The following KCNH8 variants were observed in gnomAD, a reference collection of about 807,000 sequenced individuals.
KCNH8 encodes the protein voltage-gated delayed rectifier potassium channel KCNH8.
KCNH8 carries 70 observed loss-of-function variants against 103.6 expected under a neutral mutation model. The observed-to-expected ratio is 0.68, with a 90% CI of 0.56 to 0.82. KCNH8 has a LOEUF of 0.82. Ranked by LOEUF, KCNH8 falls within the 40% of genes least tolerant of loss-of-function variation. The pLI, the probability that KCNH8 is intolerant of heterozygous loss-of-function variation, is 0.00. For missense variants in KCNH8, 1,217 were observed against 1,329.9 expected, an observed-to-expected ratio of 0.92 and a Z score of 1.32; for synonymous variants, 498 against 489.4, an observed-to-expected ratio of 1.02 and a Z score of -0.23.
At chr3:19,480,396 T>C (rs2068063922) in intron 11 of KCNH8, among the ~76,000 whole-genome samples, 1 of 152,202 alleles carries the variant, frequency 6.6e-6, no homozygotes. Context: ...TAGTATCTTC[T>C]GTCAGGATTC....
intron 1 of KCNH8, among the ~76,000 whole-genome samples, chr3:19,235,297 A>G (rs144775640): frequency 1.1e-3 from 170 of 152,316 alleles, no homozygotes; most frequent in Non-Finnish European, 1.3e-3. Flanking sequence ...ATATAGAATG[A>G]TACAATTTAT....
At chr3:19,379,732 T>G (rs570619984) in intron 5 of KCNH8, among the ~76,000 whole-genome samples, 1 of 152,234 alleles carries the variant, frequency 6.6e-6, no homozygotes, top group African/African-American at 2.4e-5. Flanking sequence ...CAGCCAAATA[T>G]CACATTTGCA....
At chr3:19,298,141 AAAG>A (rs1212630965) in intron 3 of KCNH8, among the ~76,000 whole-genome samples, 1 of 152,238 alleles carries the variant, frequency 6.6e-6, no homozygotes, top group African/African-American at 2.4e-5. Context: ...GGACGGCAAA[AAAG>A]AGTTACTAAA....
At chr3:19,505,161 G>C (rs2068668109) in intron 11 of KCNH8, among the ~76,000 whole-genome samples, 1 of 151,790 alleles carries the variant, frequency 6.6e-6, no homozygotes, top group African/African-American at 2.4e-5. Context: ...AAATGAACAT[G>C]GATGGAGCTG....
chr3:19,527,567 G>A (rs940963020), intron 15 of KCNH8, among the ~76,000 whole-genome samples: 21 of 152,042 alleles, frequency 1.4e-4, no homozygotes, highest in African/African-American at 5.1e-4. Context: ...GATTAAACAT[G>A]AGAGGAGTAA....
chr3:19,363,682 T>G (rs1333892539), intron 5 of KCNH8, among the ~76,000 whole-genome samples: 1 of 152,148 alleles, frequency 6.6e-6, no homozygotes, highest in African/African-American at 2.4e-5. Context: ...TATCAATGCT[T>G]GTTACACTAG....
At chr3:19,239,686 C>G (rs1022344041) in intron 1 of KCNH8, among the ~76,000 whole-genome samples, 1 of 150,734 alleles carries the variant, frequency 6.6e-6, no homozygotes, top group African/African-American at 2.5e-5. Flanking sequence ...ATCTATCTAC[C>G]TACCTACCTA....
intron 11 of KCNH8, among the ~76,000 whole-genome samples, chr3:19,494,538 T>C (rs1401515814): frequency 2.6e-5 from 4 of 152,300 alleles, no homozygotes; most frequent in Non-Finnish European, 5.9e-5. Flanking sequence ...CTTTTGTAAA[T>C]TGCCTAGTCT....
chr3:19,260,353 T>TAAAAGC lies in KCNH8; in HGVS notation c.310+6470_310+6471insGCAAAA, dbSNP rs560100371. Among the ~76,000 whole-genome samples, 117 of 150,966 alleles carry TAAAAGC rather than the reference T, an allele frequency of 7.8e-4. 2 individuals carry two copies. Among genetic ancestry groups the TAAAAGC allele is most frequent in the African/African-American group, 2.7e-3 (112 of 41,328 alleles). On this transcript the variant is annotated intron_variant, in intron 2 of 15. Transcript: ENST00000328405. ...TCAGTCTTATGATTTCAGATCCTGA[T>TAAAAGC]AAAAAGGAAGCAAATTTCTTCATGA...
chr3:19,153,207 A>G (rs2063147565), intron 1 of KCNH8, among the ~76,000 whole-genome samples: 1 of 152,182 alleles, frequency 6.6e-6, no homozygotes, highest in Non-Finnish European at 1.5e-5. Context: ...CAGGAATTGG[A>G]TTTATGTCTT....
chr3:19,305,694 C>T lies in KCNH8; in HGVS notation c.442+24365C>T, dbSNP rs142181171. Among the ~76,000 whole-genome samples, 524 of 151,942 alleles carry T rather than the reference C, an allele frequency of 3.4e-3. 3 individuals are homozygous for T. The highest frequency in any genetic ancestry group is 9.1e-3 in the South Asian group (44 of 4,816). On this transcript the variant is annotated intron_variant, in intron 3 of 15. Transcript: ENST00000328405. ...ATAAACATATAGAAAACAAAGCAAA[C>T]TAAAAAAATCCAGAGAATTGTTAAC...
intron 11 of KCNH8, among the ~76,000 whole-genome samples, chr3:19,497,625 T>C (rs778667607): frequency 6.6e-6 from 1 of 152,166 alleles, no homozygotes; most frequent in Non-Finnish European, 1.5e-5. Flanking sequence ...GATTTCAATT[T>C]CTTTGAATTT....
chr3:19,301,492 A>G (rs532619217), intron 3 of KCNH8, among the ~76,000 whole-genome samples: 1 of 152,188 alleles, frequency 6.6e-6, no homozygotes, highest in South Asian at 2.1e-4. Context: ...CTTATTTAAG[A>G]AAAACCATCT....
intron 3 of KCNH8, among the ~76,000 whole-genome samples, chr3:19,330,050 C>G (rs2065484451): frequency 6.6e-6 from 1 of 151,554 alleles, no homozygotes; most frequent in Non-Finnish European, 1.5e-5. Flanking sequence ...GCCTATTATG[C>G]AAGATCTCTA....
intron 6 of KCNH8, among the ~76,000 whole-genome samples, chr3:19,391,391 G>A (rs969712910): frequency 6.6e-6 from 1 of 152,034 alleles, no homozygotes; most frequent in African/African-American, 2.4e-5. Flanking sequence ...GAGGCCATTT[G>A]TGAAGCAGTA....
chr3:19,342,366 C>T (rs1021034163), intron 3 of KCNH8, among the ~76,000 whole-genome samples: 5 of 151,880 alleles, frequency 3.3e-5, no homozygotes, highest in South Asian at 2.1e-4. Context: ...TGTTCATGTA[C>T]GTTTTACTTT....
At chr3:19,398,106 T>C (rs1395299548) in intron 7 of KCNH8, among the ~76,000 whole-genome samples, 1 of 151,972 alleles carries the variant, frequency 6.6e-6, no homozygotes, top group East Asian at 1.9e-4. Context: ...TAGATTCAGT[T>C]TCCCAAAGGA....
At chr3:19,440,453 G>C (rs2067265877) in intron 8 of KCNH8, among the ~76,000 whole-genome samples, 2 of 152,184 alleles carry the variant, frequency 1.3e-5, no homozygotes, top group Admixed American at 6.5e-5. Flanking sequence ...AATAGTGGTG[G>C]AAGACAATGG....
chr3:19,163,290 A>G lies in KCNH8; in HGVS notation c.76+14495A>G, dbSNP rs1468778659. On this transcript the variant is annotated intron_variant, in intron 1 of 15. Transcript: ENST00000328405. Reference sequence around the variant, plus strand: ...GTAATGTGTATATATAAAATTATATATATATATAAAACAAATAATTTTACT... The same window carrying G: ...GTAATGTGTATATATAAAATTATATGTATATATAAAACAAATAATTTTACT... 2.0e-5 allele frequency among the ~76,000 whole-genome samples: 3 copies of G among 150,170 alleles called. No individual in the cohort carries two copies. In the East Asian group the frequency reaches 5.8e-4, roughly 29 times the overall value.
Sources: gnomAD v4.1 joint callset for allele counts (sites outside exome capture counted in the v4.1 genomes callset) on GRCh38, gnomAD v4.1.1 for gene constraint, MANE v1.5 for transcripts, NCBI Gene and HGNC (gene_info 2026-07-23, HGNC 2026-07-21) for gene names.